SCEL: variants seen among roughly 807,000 people sequenced by gnomAD.
The protein encoded by SCEL is sciellin.
Under a neutral mutation model 117.6 loss-of-function variants are expected in SCEL, and 113 were observed. The ratio of observed to expected loss-of-function variants is 0.96; its 90% CI spans 0.83 to 1.12. The LOEUF (loss-of-function observed/expected upper bound fraction) is 1.12. Among genes scored for constraint, SCEL ranks in the 50% most tolerant of loss-of-function variants. The pLI, the probability that SCEL is intolerant of heterozygous loss-of-function variation, is 0.00. For synonymous variants in SCEL, 270 were observed against 256.2 expected, an observed-to-expected ratio of 1.05 and a Z score of -0.51; for missense variants, 785 against 810.8, an observed-to-expected ratio of 0.97 and a Z score of 0.39.
At chr13:77,603,470 T>A (rs2087869397) in intron 18 of SCEL, among the ~76,000 whole-genome samples, 1 of 152,048 alleles carries the variant, frequency 6.6e-6, no homozygotes, top group Non-Finnish European at 1.5e-5. Flanking sequence ...TGGCCAAGAG[T>A]GAGCCATCAT....
At chr13:77,596,232 C>T (rs1262085254) in intron 12 of SCEL, among the ~76,000 whole-genome samples, 1 of 151,960 alleles carries the variant, frequency 6.6e-6, no homozygotes, top group Admixed American at 6.6e-5. Flanking sequence ...ACTTGGGAGG[C>T]TGAGGCAGGA....
chr13:77,606,361 A>AT (rs1243424132), intron 19 of SCEL: 2 of 152,192 alleles, frequency 1.3e-5, no homozygotes, highest in African/African-American at 4.8e-5. Context: ...GAACTATGAG[A>AT]TTTAAATAAC....
At chr13:77,550,630 G>A (rs937280615) in intron 1 of SCEL, among the ~76,000 whole-genome samples, 13 of 151,906 alleles carry the variant, frequency 8.6e-5, no homozygotes, top group African/African-American at 1.9e-4. Context: ...GTCCTCTTCC[G>A]TGTCTGGCTT....
chr13:77,599,639 A>G (rs1291220516), intron 14 of SCEL, 50 bp from the exon 15 acceptor site: 2 of 1,337,398 alleles, frequency 1.5e-6, no homozygotes, highest in Non-Finnish European at 1.1e-6. Context: ...GATACCACAC[A>G]ATTTCATTTC....
At chr13:77,593,806 C>T (rs1026393969) in intron 12 of SCEL, among the ~76,000 whole-genome samples, 12 of 152,126 alleles carry the variant, frequency 7.9e-5, no homozygotes, top group Non-Finnish European at 7.4e-5. Context: ...TTTTACTCAC[C>T]CAGTGACCTC....
chr13:77,577,624 T>A, intron 9 of SCEL, among the ~76,000 whole-genome samples: 1 of 152,152 alleles, frequency 6.6e-6, no homozygotes, highest in East Asian at 1.9e-4. Flanking sequence ...ATATTTCGCT[T>A]CTATGTTACT....
chr13:77,539,479 G>C lies in SCEL; in HGVS notation c.-20+3655G>C, dbSNP rs181315573. ...CAGTTCTTCCCAAACTCTTTTTATA[G>C]AATCTATGCAATTTTAGTCAAAAGT... On this transcript the variant is annotated intron_variant, in intron 1 of 32. Transcript: ENST00000349847. Among the ~76,000 whole-genome samples, 21 of 151,904 alleles carry C rather than the reference G, an allele frequency of 1.4e-4. No individual in the cohort carries two copies. In the East Asian group the frequency reaches 3.9e-3, roughly 28 times the overall value.
At chr13:77,616,235 A>G (rs2089028861) in intron 24 of SCEL, among the ~76,000 whole-genome samples, 1 of 152,048 alleles carries the variant, frequency 6.6e-6, no homozygotes, top group Admixed American at 6.6e-5. Context: ...ATGCTGACAC[A>G]TAAATATTAT....
At chr13:77,605,238 G>A (rs1317561157) in intron 19 of SCEL, among the ~76,000 whole-genome samples, 1 of 152,134 alleles carries the variant, frequency 6.6e-6, no homozygotes, top group Non-Finnish European at 1.5e-5. Flanking sequence ...CATGTGTCAT[G>A]GATGCCTGCA....
intron 27 of SCEL, among the ~76,000 whole-genome samples, chr13:77,622,860 C>G (rs1310497950): frequency 1.3e-5 from 2 of 151,920 alleles, no homozygotes; most frequent in African/African-American, 4.8e-5. Flanking sequence ...AGACCCCAGT[C>G]TCTAAAAAAC....
intron 1 of SCEL, among the ~76,000 whole-genome samples, chr13:77,542,636 T>A (rs960259518): frequency 1.3e-5 from 2 of 152,220 alleles, no homozygotes; most frequent in African/African-American, 4.8e-5. Flanking sequence ...AGGCTGTGTA[T>A]TCAGGCTAAA....
intron 1 of SCEL, among the ~76,000 whole-genome samples, chr13:77,555,217 C>T (rs1394042070): frequency 1.3e-5 from 2 of 152,164 alleles, no homozygotes; most frequent in Non-Finnish European, 2.9e-5. Flanking sequence ...CTGGATCAGT[C>T]CTGGGCAGAC....
chr13:77,542,075 T>A (rs1188135651), intron 1 of SCEL, among the ~76,000 whole-genome samples: 1 of 152,228 alleles, frequency 6.6e-6, no homozygotes, highest in African/African-American at 2.4e-5. Flanking sequence ...AGGCCACTAT[T>A]CATGTTAAAG....
chr13:77,602,074 C>G lies in SCEL; in HGVS notation c.927C>G (p.Ser309Arg). 6.2e-7 allele frequency: 1 copy of G among 1,610,068 alleles called. No individual in the cohort carries two copies. Among genetic ancestry groups the G allele is most frequent in the South Asian group, 1.1e-5 (1 of 90,418 alleles). The change falls in exon 16 of 33, where the codon AGC (serine) becomes AGG (arginine). Residue 309 changes from serine to arginine, a missense_variant. Physicochemically the swap from Ser to Arg is moderately radical, Grantham distance 110 (BLOSUM62 -1). Coordinates refer to ENST00000349847, the MANE Select transcript of SCEL (RefSeq NM_144777.3). ...CCCCAATGTTGTAAAGAATCCAAAG[C>G]CTTGGAAGTCCGATTAAAGTTAATC... is the stretch of plus-strand genomic sequence containing the variant. ...RTDKDGKGIQSLGSPIKVNQR... is the reference protein window; with the variant it reads ...RTDKDGKGIQRLGSPIKVNQR...
chr13:77,589,312 A>G (rs570927031), intron 10 of SCEL, 88 bp downstream of exon 10: 2 of 953,642 alleles, frequency 2.1e-6, no homozygotes, highest in Non-Finnish European at 3.2e-6. Flanking sequence ...TGGGCAAAGC[A>G]TGAATGTTTT....
intron 27 of SCEL, among the ~76,000 whole-genome samples, chr13:77,625,932 GTGGAA>G (rs1246112724): frequency 6.6e-6 from 1 of 152,200 alleles, no homozygotes; most frequent in Non-Finnish European, 1.5e-5. Flanking sequence ...CTCTCAAAAT[GTGGAA>G]TCAATAGTGT....
intron 28 of SCEL, among the ~76,000 whole-genome samples, chr13:77,632,833 T>A (rs1345272911): frequency 6.6e-6 from 1 of 152,250 alleles, no homozygotes; most frequent in Non-Finnish European, 1.5e-5. Flanking sequence ...AGAGTTCTTC[T>A]GCCATCTTCA....
chr13:77,591,871 T>G (rs1218032706), intron 11 of SCEL, among the ~76,000 whole-genome samples: 2 of 152,124 alleles, frequency 1.3e-5, no homozygotes, highest in Non-Finnish European at 2.9e-5. Flanking sequence ...ATGCCATTTG[T>G]TAAGGGACAT....
At chr13:77,615,690 G>GA (rs944369201) in intron 24 of SCEL, among the ~76,000 whole-genome samples, 2 of 151,920 alleles carry the variant, frequency 1.3e-5, no homozygotes, top group South Asian at 2.1e-4. Flanking sequence ...TCTAGGGCCT[G>GA]AAAAAAATCT....
Sources: allele counts gnomAD v4.1 joint callset (sites outside exome capture counted in the v4.1 genomes callset), GRCh38; gene constraint gnomAD v4.1.1; transcripts MANE v1.5; gene names NCBI Gene and HGNC (gene_info 2026-07-23, HGNC 2026-07-21).